ADARB1: variants seen among roughly 807,000 people sequenced by gnomAD.
The protein encoded by ADARB1 is adenosine deaminase RNA specific B1.
A neutral mutation model predicts 52.4 loss-of-function variants in ADARB1; 10 were observed. That is an observed-to-expected ratio of 0.19 (90% CI 0.12 to 0.32). ADARB1 has a LOEUF of 0.32. Ranked by LOEUF, ADARB1 falls within the 10% of genes least tolerant of loss-of-function variation. The probability of loss-of-function intolerance (pLI) is 1.00; values close to 1 mark genes in which losing one functional copy is unlikely to be tolerated. For synonymous variants in ADARB1, 349 were observed against 371.1 expected (o/e 0.94, Z 0.68); for missense variants, 643 against 922.3 (o/e 0.70, Z 3.92).
intron 2 of ADARB1, among the ~76,000 whole-genome samples, chr21:45,129,280 A>G (rs1473087649): frequency 2.0e-5 from 3 of 152,176 alleles, no homozygotes; most frequent in East Asian, 1.9e-4. Context: ...CGACTATCTC[A>G]TGATTCAGCG....
intron 2 of ADARB1, among the ~76,000 whole-genome samples, chr21:45,132,811 A>G (rs1197865552): frequency 6.6e-6 from 1 of 152,220 alleles, no homozygotes; most frequent in Non-Finnish European, 1.5e-5. Flanking sequence ...TCAGGAGAGT[A>G]AGATGTTACC....
At position 45,223,778 on chromosome 21, in the gene ADARB1, G is replaced by C; in HGVS notation, c.*1581G>C. 1.0e-6 allele frequency: 1 copy of C among 985,456 alleles called. No homozygotes were observed. Among genetic ancestry groups the C allele is most frequent in the African/African-American group, 1.7e-5 (1 of 57,348 alleles). The allele number at this position is 985,456 out of a possible 1,614,324, so 61.0% of individuals were successfully genotyped here. A position where few individuals can be genotyped will look rare whatever the true frequency, so the allele number is the denominator to read the frequency against. On this transcript the variant is annotated 3_prime_UTR_variant, in exon 11 of 11. Coordinates refer to ENST00000348831, the MANE Select transcript of ADARB1 (RefSeq NM_001112.4). Reference sequence around the variant, plus strand: ...ACTGAAACACCGTGGCTTCGGCGGGGGGTGTGCCTCCTGATGTCAGGAGCC... The same window carrying C: ...ACTGAAACACCGTGGCTTCGGCGGGCGGTGTGCCTCCTGATGTCAGGAGCC...
chr21:45,225,733 G>A lies in ADARB1; in HGVS notation c.*3536G>A, dbSNP rs1432892857. Reference sequence around the variant, plus strand: ...GTGGTCTGCCCCAGGCATAAAGAAGGAAAATTGGCCATCTTTCCCACCTCT... The same window carrying A: ...GTGGTCTGCCCCAGGCATAAAGAAGAAAAATTGGCCATCTTTCCCACCTCT... On this transcript the variant is annotated 3_prime_UTR_variant, in exon 11 of 11. Transcript: ENST00000348831. 4.3e-6 allele frequency: 2 copies of A among 469,664 alleles called. No homozygotes were observed. The highest frequency in any genetic ancestry group is 7.0e-6 in the Non-Finnish European group (2 of 287,628). 29.1% of individuals were successfully genotyped at this position (469,664 alleles called of 1,614,324 possible).
chr21:45,223,747 C>A lies in ADARB1; in HGVS notation c.*1550C>A. ...CCCACCGGACGCTGGGAGCTCAGAC[C>A]CCAAAACTGAAACACCGTGGCTTCG... On this transcript the variant is annotated 3_prime_UTR_variant, in exon 11 of 11. Transcript: ENST00000348831. 2 of 985,436 alleles carry A rather than the reference C, an allele frequency of 2.0e-6. No individual in the cohort carries two copies. The highest frequency in any genetic ancestry group is 1.7e-5 in the African/African-American group (1 of 57,340). 61.0% of individuals were successfully genotyped at this position (985,436 alleles called of 1,614,324 possible).
chr21:45,216,203 G>A (rs1159229388), intron 9 of ADARB1, among the ~76,000 whole-genome samples: 1 of 151,668 alleles, frequency 6.6e-6, no homozygotes, highest in South Asian at 2.1e-4. Flanking sequence ...TCTCTTGGTT[G>A]TTTTTTTCTG....
chr21:45,197,749 A>G (rs757083175), intron 8 of ADARB1, among the ~76,000 whole-genome samples: 2 of 152,258 alleles, frequency 1.3e-5, no homozygotes, highest in Admixed American at 6.5e-5. Flanking sequence ...AAAAAAGAAC[A>G]GTGATACACA....
chr21:45,135,217 T>G (rs950862019), intron 2 of ADARB1, among the ~76,000 whole-genome samples: 1 of 152,188 alleles, frequency 6.6e-6, no homozygotes, highest in African/African-American at 2.4e-5. Flanking sequence ...GACTGTGTGC[T>G]GGGTAGGATT....
At position 45,175,984 on chromosome 21, in the gene ADARB1, TAC is replaced by T; in HGVS notation, c.288_289del (p.Leu97ProfsTer24). The T allele has an allele frequency of 6.2e-7, 1 of 1,613,846 alleles. No individual in the cohort carries two copies. The highest frequency in any genetic ancestry group is 8.5e-7 in the Non-Finnish European group (1 of 1,179,906). On this transcript the variant is annotated frameshift_variant, in exon 4 of 11. Coordinates refer to ENST00000348831, the MANE Select transcript of ADARB1 (RefSeq NM_001112.4). LOFTEE classifies it high-confidence loss of function. Reference sequence around the variant, plus strand: ...GAATGAGATCAAGCCTGGTTTGCAGTACACACTCCTGTCCCAGACTGGGCCCG... The same window carrying T: ...GAATGAGATCAAGCCTGGTTTGCAGTACACTCCTGTCCCAGACTGGGCCCG... ...QLNEIKPGLQ[Y>X]TLLSQTGPVH...
chr21:45,110,133 G>C (rs1295762457), intron 1 of ADARB1, among the ~76,000 whole-genome samples: 1 of 152,088 alleles, frequency 6.6e-6, no homozygotes, highest in Non-Finnish European at 1.5e-5. Flanking sequence ...ATTTTTACTT[G>C]ACCTTTTCAC....
intron 8 of ADARB1, among the ~76,000 whole-genome samples, chr21:45,199,504 A>C (rs1445010277): frequency 1.3e-5 from 2 of 152,208 alleles, no homozygotes; most frequent in Non-Finnish European, 2.9e-5. Context: ...AGACATGGAC[A>C]AAGTAGCCAA....
intron 9 of ADARB1, among the ~76,000 whole-genome samples, chr21:45,215,355 GT>G (rs2092841945): frequency 6.6e-6 from 1 of 152,114 alleles, no homozygotes; most frequent in South Asian, 2.1e-4. Context: ...GCTGCTGTAG[GT>G]TTTTTACAGA....
rs978186603 is a variant in ADARB1 at position 45,204,035 on chromosome 21, C to T, written c.1566-520C>T. 2.0e-5 allele frequency among the ~76,000 whole-genome samples: 3 copies of T among 152,200 alleles called. No homozygotes were observed. Among genetic ancestry groups the T allele is most frequent in the South Asian group, 2.1e-4 (1 of 4,828 alleles). On this transcript the variant is annotated intron_variant, in intron 8 of 10. Transcript: ENST00000348831. This position sits in a 1 kb window ranked among gnomAD's most constrained non-coding sequence, Gnocchi z 4.4. ...GTGGCCATCAATCTTATCACCAAGGCGACTGCTAATGGGCCAGCGGCATCT... is the reference window on the plus strand; with the variant it reads ...GTGGCCATCAATCTTATCACCAAGGTGACTGCTAATGGGCCAGCGGCATCT...
chr21:45,182,886 A>T, intron 6 of ADARB1, 133 bp downstream of exon 6: 1 of 866,448 alleles, frequency 1.2e-6, no homozygotes, highest in Non-Finnish European at 1.7e-6. Context: ...AATTAGTAAC[A>T]ATAAGGCTGC....
chr21:45,197,028 C>T (rs1358254420), intron 8 of ADARB1, among the ~76,000 whole-genome samples: 1 of 152,092 alleles, frequency 6.6e-6, no homozygotes, highest in Admixed American at 6.5e-5. Flanking sequence ...CCCATCTCTA[C>T]TAAAAATACA....
At chr21:45,206,310 A>G (rs1487733301) in intron 9 of ADARB1, among the ~76,000 whole-genome samples, 2 of 152,240 alleles carry the variant, frequency 1.3e-5, no homozygotes, top group African/African-American at 4.8e-5. Context: ...GCCTTGTTGA[A>G]TAGCGCTGTC....
chr21:45,125,876 A>G (rs1012784441), intron 1 of ADARB1, among the ~76,000 whole-genome samples: 1 of 152,140 alleles, frequency 6.6e-6, no homozygotes, highest in African/African-American at 2.4e-5. Flanking sequence ...CTTTGAGCTT[A>G]CTTTGTTCTT....
At position 45,204,829 on chromosome 21, in the gene ADARB1, C is replaced by G; in HGVS notation, c.1747+93C>G. ...TGAAAAAAACACCACCTGAGCTGCT[C>G]TGTGGCTATCAAAAGAACATCAGAG... is the stretch of plus-strand genomic sequence containing the variant. On this transcript the variant is annotated intron_variant, in intron 9 of 10. Coordinates refer to ENST00000348831, the MANE Select transcript of ADARB1 (RefSeq NM_001112.4). The surrounding 1 kb of genome is among the most constrained non-coding windows in gnomAD (Gnocchi z 4.4). The G allele has an allele frequency of 7.6e-7, 1 of 1,320,200 alleles. No homozygotes were observed. The allele number at this position is 1,320,200 out of a possible 1,614,324, so 81.8% of individuals were successfully genotyped here. A position where few individuals can be genotyped will look rare whatever the true frequency, so the allele number is the denominator to read the frequency against.
Position 45,185,003 on chromosome 21 carries a change from G to T in ADARB1, c.1477G>T (p.Val493Leu). ...AGAGTCTGGTGAGGGGACGATTCCA[G>T]TGCGCTCCAATGCGAGCATCCAAAC... Reference protein sequence around the residue: ...KIESGEGTIPVRSNASIQTWD... With the variant: ...KIESGEGTIPLRSNASIQTWD... Residue 493 changes from valine to leucine, a missense_variant, in exon 8 of 11, where the codon GTG (valine) becomes TTG (leucine). This residue lies in a region of ADARB1 where 263 missense variants were observed against 475.8 expected (regional missense o/e 0.55). Transcript: ENST00000348831. The T allele has an allele frequency of 6.2e-7, 1 of 1,614,218 alleles. No individual in the cohort carries two copies.
chr21:45,223,534 C>T lies in ADARB1; in HGVS notation c.*1337C>T. 1.0e-6 allele frequency: 1 copy of T among 985,696 alleles called. No homozygotes were observed. Among genetic ancestry groups the T allele is most frequent in the Non-Finnish European group, 1.2e-6 (1 of 830,120 alleles). 61.1% of individuals were successfully genotyped at this position (985,696 alleles called of 1,614,324 possible). A position where few individuals can be genotyped will look rare whatever the true frequency, so the allele number is the denominator to read the frequency against. ...AGAGGAGCTGAGAGAAGTGCTCTGC[C>T]TGCCAGTGCAGTGCCCAGCTCCAAG... On this transcript the variant is annotated 3_prime_UTR_variant, in exon 11 of 11. Transcript: ENST00000348831.
Sources: allele counts gnomAD v4.1 joint callset (sites outside exome capture counted in the v4.1 genomes callset), GRCh38; gene constraint gnomAD v4.1.1; regional missense constraint gnomAD v4.1.1; non-coding constraint Gnocchi (gnomAD v3.1); transcripts MANE v1.5; gene names NCBI Gene and HGNC (gene_info 2026-07-23, HGNC 2026-07-21).